ADCY8: variants seen among roughly 807,000 people sequenced by gnomAD.
ADCY8 encodes the protein adenylate cyclase 8.
A neutral mutation model predicts 119.7 loss-of-function variants in ADCY8; 51 were observed. The observed-to-expected ratio is 0.43, with a 90% CI of 0.34 to 0.54. The LOEUF is 0.54. Among genes scored for constraint, ADCY8 ranks in the 20% least tolerant of loss-of-function variants. The probability of loss-of-function intolerance (pLI) is 0.03; values close to 1 mark genes in which losing one functional copy is unlikely to be tolerated. For synonymous variants in ADCY8, 665 were observed against 651.0 expected, an observed-to-expected ratio of 1.02 and a Z score of -0.33; for missense variants, 1,383 against 1,598.8, an observed-to-expected ratio of 0.87 and a Z score of 2.30.
chr8:130,999,517 G>T (rs916964352), intron 1 of ADCY8, among the ~76,000 whole-genome samples: 3 of 152,132 alleles, frequency 2.0e-5, no homozygotes, highest in Non-Finnish European at 2.9e-5. Context: ...GTGGGAAAGG[G>T]GGATATCTCC....
At chr8:130,936,072 CATGTGTGTGTGT>C (rs1265764555) in intron 5 of ADCY8, among the ~76,000 whole-genome samples, 104 of 97,160 alleles carry the variant, frequency 1.1e-3, no homozygotes, top group East Asian at 6.2e-3. Flanking sequence ...CAAGCACTGA[CATGTGTGTGTGT>C]GTGTGTGTGT....
In ADCY8 at chr8:130,863,260, T is replaced by A. The variant is rs563620833; in HGVS notation, c.2210+4586A>T. Among the ~76,000 whole-genome samples, 8 of 152,302 alleles carry A rather than the reference T, an allele frequency of 5.3e-5. No individual in the cohort carries two copies. In the East Asian group the frequency reaches 1.5e-3, roughly 29 times the overall value. Reference sequence around the variant, plus strand: ...CTGATAATTTTCCTTGTTCTGAGTCTATTTGGTGTGAAATTGATATAGCTA... The same window carrying A: ...CTGATAATTTTCCTTGTTCTGAGTCAATTTGGTGTGAAATTGATATAGCTA... On this transcript the variant is annotated intron_variant, in intron 9 of 17. Coordinates refer to ENST00000286355, the MANE Select transcript of ADCY8 (RefSeq NM_001115.3).
At chr8:130,991,704 T>TAAAAA (rs1278854691) in intron 1 of ADCY8, among the ~76,000 whole-genome samples, 1 of 152,164 alleles carries the variant, frequency 6.6e-6, no homozygotes, top group Non-Finnish European at 1.5e-5. Flanking sequence ...AAAATAAACA[T>TAAAAA]TAAAATGTGA....
chr8:130,861,630 G>A (rs1232758633), intron 9 of ADCY8, among the ~76,000 whole-genome samples: 1 of 152,100 alleles, frequency 6.6e-6, no homozygotes, highest in Non-Finnish European at 1.5e-5. Context: ...GATAAACATA[G>A]TTTTATTTCT....
intron 5 of ADCY8, among the ~76,000 whole-genome samples, chr8:130,921,495 G>T (rs186579780): frequency 1.5e-5 from 2 of 136,670 alleles, no homozygotes; most frequent in Non-Finnish European, 3.1e-5. Flanking sequence ...TTATTGCCCC[G>T]GCTAGGGTAG....
At chr8:130,904,716 C>A in intron 6 of ADCY8, among the ~76,000 whole-genome samples, 1 of 152,184 alleles carries the variant, frequency 6.6e-6, no homozygotes, top group East Asian at 1.9e-4. Context: ...TGAAGTGACT[C>A]ATGGCTGCAC....
chr8:130,917,484 C>A (rs920616620), intron 5 of ADCY8, among the ~76,000 whole-genome samples: 2 of 152,158 alleles, frequency 1.3e-5, no homozygotes, highest in Non-Finnish European at 2.9e-5. Context: ...TGGGGAAGAC[C>A]TAACTGCACT....
intron 8 of ADCY8, among the ~76,000 whole-genome samples, chr8:130,869,955 T>TC (rs1554610094): frequency 0.028 from 3,277 of 116,098 alleles, 78 homozygotes; most frequent in South Asian, 0.087. Context: ...TTCTTCTTCT[T>TC]CTTCTTCCTT....
At chr8:130,957,868 C>T (rs1821478870) in intron 2 of ADCY8, among the ~76,000 whole-genome samples, 1 of 152,234 alleles carries the variant, frequency 6.6e-6, no homozygotes, top group African/African-American at 2.4e-5. Flanking sequence ...GAACCTCTGC[C>T]TTCTGGATTT....
At position 130,780,896 on chromosome 8, in the gene ADCY8, G is replaced by A. The variant is rs1165489685; in HGVS notation, c.3269-19C>T. The stretch of plus-strand genomic sequence containing the variant: ...CTGATGCCTGGGGGGTGAAGCAAAG[G>A]AGCAAGAAGTCAGAGGGAGAAGGGG... On this transcript the variant is annotated intron_variant, in intron 17 of 17. Transcript: ENST00000286355. 1 of 1,610,064 alleles carries A rather than the reference G, an allele frequency of 6.2e-7. No individual in the cohort carries two copies. Among genetic ancestry groups the A allele is most frequent in the South Asian group, 1.1e-5 (1 of 90,820 alleles).
At chr8:130,863,850 A>G (rs1434132176) in intron 9 of ADCY8, among the ~76,000 whole-genome samples, 3 of 152,182 alleles carry the variant, frequency 2.0e-5, no homozygotes, top group Non-Finnish European at 4.4e-5. Flanking sequence ...GCTTTAAACA[A>G]AAAATAATGT....
At chr8:130,970,804 A>T (rs1229934649) in intron 2 of ADCY8, among the ~76,000 whole-genome samples, 2 of 152,210 alleles carry the variant, frequency 1.3e-5, no homozygotes, top group Admixed American at 1.3e-4. Flanking sequence ...AAAAGCAAGA[A>T]TGAAAACAGA....
At chr8:130,825,355 A>G (rs919505208) in intron 12 of ADCY8, among the ~76,000 whole-genome samples, 3 of 152,222 alleles carry the variant, frequency 2.0e-5, no homozygotes, top group African/African-American at 7.2e-5. Flanking sequence ...GATGTGTTAT[A>G]CAACGCTGAA....
chr8:130,811,094 G>GCACCTT (rs1816149932), intron 14 of ADCY8, among the ~76,000 whole-genome samples: 1 of 152,110 alleles, frequency 6.6e-6, no homozygotes, highest in Non-Finnish European at 1.5e-5. Flanking sequence ...CTGACCTTAG[G>GCACCTT]GAGCCTTGAG....
intron 14 of ADCY8, among the ~76,000 whole-genome samples, chr8:130,802,523 A>G (rs528277996): frequency 6.6e-6 from 1 of 152,192 alleles, no homozygotes; most frequent in East Asian, 1.9e-4. Flanking sequence ...AATCCCTCCA[A>G]TGGCTCACCA....
At chr8:130,827,062 A>T (rs1421501919) in intron 12 of ADCY8, among the ~76,000 whole-genome samples, 3 of 152,060 alleles carry the variant, frequency 2.0e-5, no homozygotes, top group Non-Finnish European at 4.4e-5. Context: ...CTTAAAGTAT[A>T]AAAAAAAGAT....
At chr8:130,968,361 C>A (rs1383093371) in intron 2 of ADCY8, among the ~76,000 whole-genome samples, 1 of 151,962 alleles carries the variant, frequency 6.6e-6, no homozygotes, top group African/African-American at 2.4e-5. Context: ...TTAGTAGAGA[C>A]GGGGTTCCAC....
intron 9 of ADCY8, among the ~76,000 whole-genome samples, chr8:130,860,380 C>T (rs984546121): frequency 6.6e-6 from 1 of 152,122 alleles, no homozygotes; most frequent in Non-Finnish European, 1.5e-5. Context: ...CAGTGTCTTC[C>T]ACAGATCAGA....
chr8:130,820,563 T>C (rs1440986123), intron 13 of ADCY8, among the ~76,000 whole-genome samples: 7 of 152,202 alleles, frequency 4.6e-5, no homozygotes, highest in African/African-American at 1.4e-4. Flanking sequence ...TGCCTAGATG[T>C]TCCTATGAAG....
Sources: gnomAD v4.1 joint callset for allele counts (sites outside exome capture counted in the v4.1 genomes callset) on GRCh38, gnomAD v4.1.1 for gene constraint, MANE v1.5 for transcripts, NCBI Gene and HGNC (gene_info 2026-07-23, HGNC 2026-07-21) for gene names.